The following PDE4D variants were observed in gnomAD, a reference collection of about 807,000 sequenced individuals.
The protein encoded by PDE4D is 3',5'-cyclic-AMP phosphodiesterase 4D.
PDE4D carries 24 observed loss-of-function variants against 87.4 expected under a neutral mutation model. The ratio of observed to expected loss-of-function variants is 0.27; its 90% confidence interval spans 0.20 to 0.39. The LOEUF is 0.39. Among genes scored for constraint, PDE4D ranks in the 10% least tolerant of loss-of-function variants. The pLI, the probability that PDE4D is intolerant of heterozygous loss-of-function variation, is 1.00. For synonymous variants in PDE4D, 384 were observed against 383.2 expected, an observed-to-expected ratio of 1.00 and a Z score of -0.02; for missense variants, 714 against 1,041.0, an observed-to-expected ratio of 0.69 and a Z score of 4.32.
intron 1 of PDE4D, among the ~76,000 whole-genome samples, chr5:59,246,536 G>A (rs562094544): frequency 2.6e-5 from 4 of 152,068 alleles, no homozygotes; most frequent in African/African-American, 9.6e-5. Context: ...GTTAAAACCC[G>A]CTCTGATCTT....
intron 5 of PDE4D, among the ~76,000 whole-genome samples, chr5:59,087,250 T>C (rs2409626): frequency 0.67 from 101,243 of 151,930 alleles, 33,861 homozygotes; most frequent in East Asian, 0.82. Flanking sequence ...TTTGGGAGGC[T>C]GAGGTGGGAT....
intron 1 of PDE4D, among the ~76,000 whole-genome samples, chr5:60,214,988 AT>A (rs1464534083): frequency 6.6e-6 from 1 of 152,156 alleles, no homozygotes; most frequent in Non-Finnish European, 1.5e-5. Context: ...TCTCAGAATC[AT>A]CTCTTGTATG....
chr5:59,620,956 G>A (rs909208741), intron 1 of PDE4D, among the ~76,000 whole-genome samples: 9 of 151,930 alleles, frequency 5.9e-5, no homozygotes, highest in African/African-American at 2.2e-4. Context: ...GGATTGTATT[G>A]TCAGACTTCT....
chr5:60,040,548 C>T (rs1050305609), intron 2 of PDE4D, among the ~76,000 whole-genome samples: 1 of 152,106 alleles, frequency 6.6e-6, no homozygotes, highest in African/African-American at 2.4e-5. Flanking sequence ...TATATACAAC[C>T]ATTACTCAGA....
At chr5:59,664,998 C>G (rs575117825) in intron 1 of PDE4D, among the ~76,000 whole-genome samples, 5 of 152,166 alleles carry the variant, frequency 3.3e-5, no homozygotes, top group Admixed American at 6.5e-5. Context: ...ACCAATATAA[C>G]GTAATGATTC....
chr5:59,754,317 G>A (rs1760904044), intron 1 of PDE4D, among the ~76,000 whole-genome samples: 1 of 152,154 alleles, frequency 6.6e-6, no homozygotes, highest in Non-Finnish European at 1.5e-5. Context: ...GCAACAGAGT[G>A]AGACTGTCTA....
Position 60,430,696 on chromosome 5 carries a change from G to T in PDE4D, c.-90+57246C>A. 2 of 260,564 alleles carry T rather than the reference G, an allele frequency of 7.7e-6. 1 individual carries two copies. The highest frequency in any genetic ancestry group is 1.4e-5 in the Non-Finnish European group (2 of 140,176). The allele number at this position is 260,564 out of a possible 1,614,324, so 16.1% of individuals were successfully genotyped here. On this transcript the variant is annotated intron_variant, in intron 1 of 16. Transcript: ENST00000502484. ...TAGGCAGAGGTCCCTGCGGCCTTCC[G>T]CAGTGTTTGCGTCCCTGGGTACTTG...
intron 1 of PDE4D, among the ~76,000 whole-genome samples, chr5:59,677,484 C>G (rs539719870): frequency 4.0e-4 from 61 of 152,150 alleles, no homozygotes; most frequent in Admixed American, 7.9e-4. Flanking sequence ...TGGAGATACA[C>G]AGAAAGCTAA....
At chr5:59,037,078 T>TA (rs1188742310) in intron 6 of PDE4D, among the ~76,000 whole-genome samples, 3 of 152,162 alleles carry the variant, frequency 2.0e-5, no homozygotes, top group African/African-American at 4.8e-5. Context: ...TATTATGACC[T>TA]AAAAAATTTT....
At chr5:59,262,828 A>C (rs955284341) in intron 1 of PDE4D, among the ~76,000 whole-genome samples, 1 of 152,020 alleles carries the variant, frequency 6.6e-6, no homozygotes, top group Non-Finnish European at 1.5e-5. Flanking sequence ...CATGTGCAAC[A>C]CATTTATCAG....
intron 1 of PDE4D, among the ~76,000 whole-genome samples, chr5:59,594,143 G>A (rs1307109443): frequency 2.7e-5 from 1 of 36,442 alleles, no homozygotes; most frequent in Non-Finnish European, 5.0e-5. Flanking sequence ...TCTCACCTAT[G>A]GTATAAGAAA....
chr5:60,121,354 C>G (rs1778662181), intron 2 of PDE4D, among the ~76,000 whole-genome samples: 1 of 151,990 alleles, frequency 6.6e-6, no homozygotes, highest in Non-Finnish European at 1.5e-5. Context: ...ATTTCTAACT[C>G]ATAGAATAAC....
At chr5:60,039,740 C>G (rs1768249131) in intron 2 of PDE4D, among the ~76,000 whole-genome samples, 2 of 152,026 alleles carry the variant, frequency 1.3e-5, no homozygotes, top group South Asian at 4.1e-4. Context: ...TTCTGATATT[C>G]AAGATGTTTC....
intron 1 of PDE4D, among the ~76,000 whole-genome samples, chr5:59,476,211 G>T (rs1803272389): frequency 6.6e-6 from 1 of 151,870 alleles, no homozygotes; most frequent in African/African-American, 2.4e-5. Flanking sequence ...ACACAAAATG[G>T]TAAAAAAACA....
chr5:59,903,185 A>G (rs966644927), intron 3 of PDE4D, among the ~76,000 whole-genome samples: 1 of 152,158 alleles, frequency 6.6e-6, no homozygotes, highest in African/African-American at 2.4e-5. Flanking sequence ...ATCTGACTTT[A>G]AAATATAATA....
chr5:60,082,904 A>C (rs935237272), intron 2 of PDE4D, among the ~76,000 whole-genome samples: 2 of 152,096 alleles, frequency 1.3e-5, no homozygotes, highest in Non-Finnish European at 1.5e-5. Context: ...ACCTTGACTG[A>C]CACCTTCTGA....
At chr5:59,394,030 T>C (rs1443619396) in intron 1 of PDE4D, among the ~76,000 whole-genome samples, 1 of 152,238 alleles carries the variant, frequency 6.6e-6, no homozygotes, top group Non-Finnish European at 1.5e-5. Flanking sequence ...TTTTGGATAC[T>C]CATTTCTTTC....
At chr5:60,047,225 AT>A (rs1203863309) in intron 2 of PDE4D, among the ~76,000 whole-genome samples, 2 of 152,062 alleles carry the variant, frequency 1.3e-5, no homozygotes, top group African/African-American at 4.8e-5. Context: ...CCCCTTTATC[AT>A]TTTTTATTGC....
chr5:59,202,292 G>A (rs556424810), intron 2 of PDE4D, among the ~76,000 whole-genome samples: 30 of 151,956 alleles, frequency 2.0e-4, no homozygotes, highest in African/African-American at 7.2e-4. Context: ...CACCTGCCTC[G>A]GCCTCCCAAA....
Sources: allele counts gnomAD v4.1 joint callset (sites outside exome capture counted in the v4.1 genomes callset), GRCh38; gene constraint gnomAD v4.1.1; transcripts MANE v1.5; gene names NCBI Gene and HGNC (gene_info 2026-07-23, HGNC 2026-07-21).